Variants in RPRD2 observed in about 807,000 individuals in gnomAD.
RPRD2 encodes the protein regulation of nuclear pre-mRNA domain containing 2.
In RPRD2, 12 loss-of-function variants were observed where a neutral mutation model predicts 104.4. The ratio of observed to expected loss-of-function variants is 0.11; its 90% CI spans 0.07 to 0.19. The LOEUF (loss-of-function observed/expected upper bound fraction) is 0.19, where lower values mean the gene tolerates loss of function less well. Among genes scored for constraint, RPRD2 ranks in the 10% least tolerant of loss-of-function variants. The pLI is 1.00. For synonymous variants in RPRD2, 714 were observed against 684.9 expected (o/e 1.04, Z -0.66); for missense variants, 1,543 against 1,790.1 (o/e 0.86, Z 2.49).
chr1:150,432,714 A>G (rs911161651), intron 2 of RPRD2, among the ~76,000 whole-genome samples: 1 of 151,674 alleles, frequency 6.6e-6, no homozygotes, highest in Non-Finnish European at 1.5e-5. Context: ...ATGGTGGCTC[A>G]CACGTGTAAT....
intron 8 of RPRD2, 136 bp downstream of exon 8, chr1:150,457,706 T>C (rs1667633507): frequency 1.3e-6 from 1 of 775,406 alleles, no homozygotes; most frequent in South Asian, 1.7e-5. Context: ...TTATAATCTC[T>C]AGAGCAGTTG....
rs1207741137 is a variant in RPRD2, at chr1:150,474,951, T to TAA, written c.*1619_*1620dup. 3 of 152,312 alleles carry TAA rather than the reference T, an allele frequency of 2.0e-5. No homozygotes were observed. Among genetic ancestry groups the TAA allele is most frequent in the Admixed American group, 2.0e-4 (3 of 15,290 alleles). The allele number at this position is 152,312 out of a possible 1,614,324, so 9.4% of individuals were successfully genotyped here. On this transcript the variant is annotated 3_prime_UTR_variant, in exon 11 of 11. Coordinates refer to ENST00000369068, the MANE Select transcript of RPRD2 (RefSeq NM_015203.5). ...TGAACTTTTCAGAGAAAGAGCAGCATAAACCAGGTGCACATCATGATTTGG... is the reference window on the plus strand; with the variant it reads ...TGAACTTTTCAGAGAAAGAGCAGCATAAAAACCAGGTGCACATCATGATTTGG...
At chr1:150,397,959 C>T (rs1485946148) in intron 1 of RPRD2, among the ~76,000 whole-genome samples, 3 of 151,626 alleles carry the variant, frequency 2.0e-5, no homozygotes, top group African/African-American at 7.3e-5. Context: ...GAGCAACACA[C>T]AAACATTTCT....
intron 1 of RPRD2, among the ~76,000 whole-genome samples, chr1:150,384,639 T>TTTTGTGTGTGTGTGTGTGTG (rs1475338523): frequency 1.5e-5 from 2 of 133,350 alleles, no homozygotes; most frequent in African/African-American, 5.6e-5. Flanking sequence ...CCTGGCTAAT[T>TTTTGTGTGTGTGTGTGTGTG]TGTGTGTGTG....
At chr1:150,405,521 T>C (rs1560175073) in intron 1 of RPRD2, among the ~76,000 whole-genome samples, 1 of 152,100 alleles carries the variant, frequency 6.6e-6, no homozygotes, top group East Asian at 1.9e-4. Flanking sequence ...ATCAGCTGAA[T>C]GTTTTGATGC....
chr1:150,381,445 T>C (rs2102132014), intron 1 of RPRD2, among the ~76,000 whole-genome samples: 1 of 151,482 alleles, frequency 6.6e-6, no homozygotes, highest in East Asian at 1.9e-4. Flanking sequence ...GCTTAATCAA[T>C]GAATCTTCCT....
At chr1:150,406,723 T>G (rs1663508780) in intron 1 of RPRD2, among the ~76,000 whole-genome samples, 1 of 152,124 alleles carries the variant, frequency 6.6e-6, no homozygotes, top group Non-Finnish European at 1.5e-5. Context: ...AAATTCTTTT[T>G]TTCTTTTTGA....
chr1:150,393,993 C>A (rs834238), intron 1 of RPRD2, among the ~76,000 whole-genome samples: 88,905 of 151,916 alleles, frequency 0.59, 26,470 homozygotes, highest in Non-Finnish European at 0.62. Context: ...TTTGATGATG[C>A]GCTTTATATC....
intron 1 of RPRD2, among the ~76,000 whole-genome samples, chr1:150,387,205 T>C (rs1553881987): frequency 1.3e-5 from 2 of 152,176 alleles, no homozygotes; most frequent in African/African-American, 4.8e-5. Flanking sequence ...AAGTGAGACC[T>C]GTGCAGTTCA....
chr1:150,464,601 C>G lies in RPRD2; in HGVS notation c.1486C>G (p.Pro496Ala). 2.5e-6 allele frequency: 4 copies of G among 1,609,340 alleles called. No homozygotes were observed. Among genetic ancestry groups the G allele is most frequent in the Non-Finnish European group, 3.4e-6 (4 of 1,177,814 alleles). The stretch of plus-strand genomic sequence containing the variant: ...CAACCTCACCAGTGGCCTGAAAACA[C>G]CTGCACCTGCCACGACAACATCTCA... ...PSNLTSGLKT[P>A]APATTTSHNP... Residue 496 changes from proline (P) to alanine (A), a missense_variant, in exon 10 of 11, where the codon CCT becomes GCT. This residue lies in a region of RPRD2 where 572 missense variants were observed against 787.3 expected (regional missense o/e 0.73). Transcript: ENST00000369068.
intron 1 of RPRD2, among the ~76,000 whole-genome samples, chr1:150,367,524 C>T (rs1234365655): frequency 3.9e-5 from 6 of 152,058 alleles, no homozygotes; most frequent in Admixed American, 2.0e-4. Flanking sequence ...TCTCTTTTTT[C>T]TTCTGACATC....
At chr1:150,364,967 G>A (rs1486272318) in intron 1 of RPRD2, 48 bp downstream of exon 1, 1 of 1,590,808 alleles carries the variant, frequency 6.3e-7, no homozygotes, top group East Asian at 2.2e-5. Context: ...GAAATGGAAG[G>A]AAGTGTGGCC....
At chr1:150,384,992 A>G (rs782388563) in intron 1 of RPRD2, among the ~76,000 whole-genome samples, 2 of 152,040 alleles carry the variant, frequency 1.3e-5, no homozygotes, top group Non-Finnish European at 2.9e-5. Context: ...TAGCCACTGC[A>G]CTCCAGCCTG....
rs375270971 is a variant in RPRD2, at chr1:150,401,055, A to G, written c.206-16541A>G. 5.5e-4 allele frequency among the ~76,000 whole-genome samples: 84 copies of G among 152,204 alleles called. 1 individual carries two copies. Among genetic ancestry groups the G allele is most frequent in the African/African-American group, 2.0e-3 (81 of 41,528 alleles). On this transcript the variant is annotated intron_variant, in intron 1 of 10. Transcript: ENST00000369068. ...GCCGGGTGTGGTGGCGGGCACCTGT[A>G]GTCACAGCTACTCAGGAGGCTGAGG...
intron 2 of RPRD2, among the ~76,000 whole-genome samples, chr1:150,421,459 T>C (rs1052373752): frequency 1.3e-5 from 2 of 152,170 alleles, no homozygotes; most frequent in Non-Finnish European, 2.9e-5. Flanking sequence ...ATTTATACTC[T>C]GTAATCCCAG....
intron 7 of RPRD2, among the ~76,000 whole-genome samples, chr1:150,452,754 T>C (rs1398058868): frequency 7.5e-6 from 1 of 132,570 alleles, no homozygotes; most frequent in Non-Finnish European, 1.6e-5. Flanking sequence ...CACTGCAACC[T>C]CCGCCTCCCA....
At chr1:150,402,634 C>A (rs1451996918) in intron 1 of RPRD2, among the ~76,000 whole-genome samples, 1 of 151,988 alleles carries the variant, frequency 6.6e-6, no homozygotes, top group Non-Finnish European at 1.5e-5. Flanking sequence ...TGTGATTGCA[C>A]CACTACACTC....
In RPRD2 at chr1:150,364,674, C is replaced by T; in HGVS notation, c.-41C>T. 9.7e-6 allele frequency: 12 copies of T among 1,242,698 alleles called. No homozygotes were observed. The highest frequency in any genetic ancestry group is 1.3e-5 in the Non-Finnish European group (12 of 895,928). The allele number at this position is 1,242,698 out of a possible 1,614,324, so 77.0% of individuals were successfully genotyped here. On this transcript the variant is annotated 5_prime_UTR_variant, in exon 1 of 11. Transcript: ENST00000369068. The stretch of plus-strand genomic sequence containing the variant: ...CCCGCTCCCGCCGCCGCCGCCGCCG[C>T]CGCCGCCAGAGGAGCAGCAGCGCTT...
intron 7 of RPRD2, among the ~76,000 whole-genome samples, chr1:150,448,617 G>A (rs920035976): frequency 1.3e-5 from 2 of 152,170 alleles, no homozygotes; most frequent in Non-Finnish European, 2.9e-5. Context: ...TCATTGCAAG[G>A]TTTTGTGGTA....
Sources: gnomAD v4.1 joint callset for allele counts (sites outside exome capture counted in the v4.1 genomes callset) on GRCh38, gnomAD v4.1.1 for gene constraint, gnomAD v4.1.1 regional missense constraint, MANE v1.5 for transcripts, NCBI Gene and HGNC (gene_info 2026-07-23, HGNC 2026-07-21) for gene names.